MIA2: variants seen among roughly 807,000 people sequenced by gnomAD.
MIA2 encodes the protein MIA SH3 domain ER export factor 2.
In MIA2, 127 loss-of-function variants were observed where a neutral mutation model predicts 167.8. The observed-to-expected ratio is 0.76, with a 90% CI of 0.66 to 0.88. The LOEUF (loss-of-function observed/expected upper bound fraction) is 0.88, where lower values mean the gene tolerates loss of function less well. MIA2 is among the 40% of genes least tolerant of loss of function. The pLI is 0.00. For synonymous variants in MIA2, 552 were observed against 541.9 expected, an observed-to-expected ratio of 1.02 and a Z score of -0.26; for missense variants, 1,690 against 1,624.7, an observed-to-expected ratio of 1.04 and a Z score of -0.69.
chr14:39,347,097 T>C (rs142194861), intron 26 of MIA2, among the ~76,000 whole-genome samples: 53 of 152,024 alleles, frequency 3.5e-4, no homozygotes, highest in African/African-American at 1.2e-3. Flanking sequence ...ACAAGGACAT[T>C]TATAACTGGC....
At chr14:39,366,389 A>G (rs199766712) in intron 23 of MIA2, among the ~76,000 whole-genome samples, 1 of 152,064 alleles carries the variant, frequency 6.6e-6, no homozygotes, top group East Asian at 1.9e-4. Context: ...CAGTGTGTGT[A>G]TCATGAGCAA....
At chr14:39,317,533 C>T (rs777219116) in intron 21 of MIA2, among the ~76,000 whole-genome samples, 48 of 152,090 alleles carry the variant, frequency 3.2e-4, no homozygotes, top group Admixed American at 1.0e-3. Flanking sequence ...GGACATGGCT[C>T]ACACTGTCAA....
intron 2 of MIA2, chr14:39,237,285 G>A (rs758809376): frequency 3.2e-5 from 16 of 507,094 alleles, no homozygotes; most frequent in South Asian, 2.9e-4. Flanking sequence ...GTGTCACCAC[G>A]CCCGGCTAAT....
intron 21 of MIA2, 63 bp from the exon 22 acceptor site, chr14:39,317,880 CA>C: frequency 9.8e-7 from 1 of 1,022,546 alleles, no homozygotes; most frequent in Non-Finnish European, 1.4e-6. Context: ...TTTATATTGA[CA>C]TATTTATGCT....
rs1420724858 is a variant in MIA2, at chr14:39,277,074, C to T, written c.2019+9C>T. On this transcript the variant is annotated intron_variant, in intron 7 of 28. Transcript: ENST00000640607. ...GGAGAAGTTTTAGATCGGTAAGTAA[C>T]CAGTGCTATACTAAGAGAATGTTCA... 6.2e-7 allele frequency: 1 copy of T among 1,612,884 alleles called. No homozygotes were observed. The highest frequency in any genetic ancestry group is 1.1e-5 in the South Asian group (1 of 90,994).
chr14:39,309,340 A>T (rs2063839078), intron 18 of MIA2, among the ~76,000 whole-genome samples: 1 of 152,136 alleles, frequency 6.6e-6, no homozygotes, highest in Admixed American at 6.5e-5. Context: ...CAGCTTTTAT[A>T]TCTTGGCCTA....
At chr14:39,375,680 G>A (rs1028807537) in intron 23 of MIA2, among the ~76,000 whole-genome samples, 2 of 152,204 alleles carry the variant, frequency 1.3e-5, no homozygotes, top group African/African-American at 4.8e-5. Context: ...TTGTGTGACA[G>A]AGCAAGAGTC....
chr14:39,300,626 T>G (rs1595308404), intron 14 of MIA2, among the ~76,000 whole-genome samples: 1 of 132,360 alleles, frequency 7.6e-6, no homozygotes, highest in Admixed American at 9.2e-5. Flanking sequence ...ATGAGGACAC[T>G]TGGACACAGG....
Position 39,319,197 on chromosome 14 carries a change from C to G in MIA2, c.3285-12C>G, listed in dbSNP as rs147402553. 250 of 1,478,102 alleles carry G rather than the reference C, an allele frequency of 1.7e-4. No homozygotes were observed. In the East Asian group the frequency reaches 5.4e-3, roughly 32 times the overall value. 91.6% of individuals were successfully genotyped at this position (1,478,102 alleles called of 1,614,324 possible). On this transcript the variant is annotated splice_polypyrimidine_tract_variant and intron_variant, in intron 22 of 28. Transcript: ENST00000640607. ...GATGAGTAACTTAGAGATGTTTGTT[C>G]TTTATTTGCAGATTAACTGAAACAG...
chr14:39,331,638 G>C (rs1029850932), intron 25 of MIA2, among the ~76,000 whole-genome samples: 1 of 152,184 alleles, frequency 6.6e-6, no homozygotes. Flanking sequence ...AGGAGCCCTT[G>C]TAAGGCAGGC....
At chr14:39,381,839 TCAACAA>T (rs200198231) in intron 23 of MIA2, among the ~76,000 whole-genome samples, 1 of 145,660 alleles carries the variant, frequency 6.9e-6, no homozygotes, top group Non-Finnish European at 1.5e-5. Flanking sequence ...CAGAAACAAA[TCAACAA>T]CAACAACAAG....
At chr14:39,334,629 C>A (rs1350410977) in intron 25 of MIA2, among the ~76,000 whole-genome samples, 2 of 151,400 alleles carry the variant, frequency 1.3e-5, no homozygotes, top group Non-Finnish European at 2.9e-5. Context: ...TGCAATGGTG[C>A]CATCTCAGCT....
chr14:39,300,986 A>G (rs2062362488), intron 14 of MIA2, among the ~76,000 whole-genome samples: 1 of 150,014 alleles, frequency 6.7e-6, no homozygotes, highest in African/African-American at 2.5e-5. Context: ...ATATATACAT[A>G]TATACACATA....
At chr14:39,359,924 G>T (rs1054451120) in intron 23 of MIA2, among the ~76,000 whole-genome samples, 3 of 151,362 alleles carry the variant, frequency 2.0e-5, no homozygotes, top group Non-Finnish European at 2.9e-5. Flanking sequence ...TGCCATAGTG[G>T]TTATACTAAT....
At chr14:39,260,253 C>T (rs1325797693) in intron 6 of MIA2, among the ~76,000 whole-genome samples, 2 of 152,218 alleles carry the variant, frequency 1.3e-5, no homozygotes, top group Non-Finnish European at 2.9e-5. Flanking sequence ...AATGGTATTT[C>T]TAGCTTTAGA....
chr14:39,259,651 C>G (rs1450838302), intron 6 of MIA2, among the ~76,000 whole-genome samples: 1 of 150,048 alleles, frequency 6.7e-6, no homozygotes, highest in Non-Finnish European at 1.5e-5. Flanking sequence ...CCACCTCAGG[C>G]ACCTGAGTAG....
At position 39,348,824 on chromosome 14, in the gene MIA2, A is replaced by G. The variant is rs1140952; in HGVS notation, c.3919A>G (p.Ile1307Val). The G allele has an allele frequency of 0.38, 616,234 of 1,613,618 alleles. 120,710 individuals carry two copies. The highest frequency in any genetic ancestry group is 0.61 in the East Asian group (27,342 of 44,862). The change falls in exon 28 of 29, where the codon ATC becomes GTC. Residue 1307 changes from isoleucine (I) to valine (V), a missense_variant. Physicochemically the swap from Ile to Val is conservative, Grantham distance 29. Transcript: ENST00000640607. The stretch of plus-strand genomic sequence containing the variant: ...CTTTGTTCCTCCACCTCTTGCTCCA[A>G]TCAGAGGTCCATTGTTTCCAGTGGA... ...PGFVPPPLAP[I>V]RGPLFPVDAR...
chr14:39,273,222 C>T (rs1157229543), intron 6 of MIA2, among the ~76,000 whole-genome samples: 4 of 143,626 alleles, frequency 2.8e-5, no homozygotes, highest in African/African-American at 1.0e-4. Context: ...TGTTCCTGAT[C>T]TTAGGAGAAA....
intron 3 of MIA2, among the ~76,000 whole-genome samples, 172 bp downstream of exon 3, chr14:39,240,819 A>G (rs1186526173): frequency 6.6e-6 from 1 of 152,230 alleles, no homozygotes; most frequent in Non-Finnish European, 1.5e-5. Context: ...ATTAAGTAAG[A>G]CAAATTAGGT....
Sources: allele counts gnomAD v4.1 joint callset (sites outside exome capture counted in the v4.1 genomes callset), GRCh38; gene constraint gnomAD v4.1.1; transcripts MANE v1.5; gene names NCBI Gene and HGNC (gene_info 2026-07-23, HGNC 2026-07-21).